Variants in PSD4 observed in about 807,000 individuals in gnomAD.
PSD4 encodes the protein PH and SEC7 domain-containing protein 4.
Under a neutral mutation model 112.5 loss-of-function variants are expected in PSD4, and 59 were observed. The ratio of observed to expected loss-of-function variants is 0.52; its 90% CI spans 0.43 to 0.65. The LOEUF is 0.65. Ranked by LOEUF, PSD4 falls within the 30% of genes least tolerant of loss-of-function variation. The pLI, the probability that PSD4 is intolerant of heterozygous loss-of-function variation, is 0.00. For synonymous variants in PSD4, 533 were observed against 540.0 expected (o/e 0.99, Z 0.18); for missense variants, 1,267 against 1,352.6 (o/e 0.94, Z 0.99).
Position 113,184,997 on chromosome 2 carries a change from T to C in PSD4, c.1097T>C (p.Val366Ala), listed in dbSNP as rs769740746. 12 of 1,614,256 alleles carry C rather than the reference T, an allele frequency of 7.4e-6. No individual in the cohort carries two copies. Among genetic ancestry groups the C allele is most frequent in the Non-Finnish European group, 1.0e-5 (12 of 1,180,044 alleles). ...LGPAPSAAPC[V>A]DEALTWESGC... ...CCTGCTCCATCTGCAGCACCGTGTG[T>C]GGACGAAGCATTGACCTGGGAATCA... The change falls in exon 3 of 17, where the codon GTG becomes GCG. Residue 366 changes from valine to alanine, a missense_variant. Coordinates refer to ENST00000245796, the MANE Select transcript of PSD4 (RefSeq NM_012455.3).
chr2:113,202,080 T>TGTCTCCTTGTGTCTCC lies in PSD4; in HGVS notation c.*666_*681dup, dbSNP rs1164295765. 3 of 152,570 alleles carry TGTCTCCTTGTGTCTCC rather than the reference T, an allele frequency of 2.0e-5. No homozygotes were observed. Among genetic ancestry groups the TGTCTCCTTGTGTCTCC allele is most frequent in the Non-Finnish European group, 2.9e-5 (2 of 68,438 alleles). 9.5% of individuals were successfully genotyped at this position (152,570 alleles called of 1,614,324 possible). A position where few individuals can be genotyped will look rare whatever the true frequency, so the allele number is the denominator to read the frequency against. ...GCACGGCTGTGGGGCCCTGTGCCTT[T>TGTCTCCTTGTGTCTCC]GTCTCCTTGTGTCTCCTTTCCCCCG... On this transcript the variant is annotated 3_prime_UTR_variant, in exon 17 of 17. Coordinates refer to ENST00000245796, the MANE Select transcript of PSD4 (RefSeq NM_012455.3).
chr2:113,185,357 C>G lies in PSD4; in HGVS notation c.1174-8C>G, dbSNP rs910418788. The G allele has an allele frequency of 5.6e-6, 9 of 1,614,166 alleles. No individual in the cohort carries two copies. Among genetic ancestry groups the G allele is most frequent in the Non-Finnish European group, 7.6e-6 (9 of 1,180,022 alleles). On this transcript the variant is annotated splice_region_variant and splice_polypyrimidine_tract_variant and intron_variant, in intron 3 of 16. Coordinates refer to ENST00000245796, the MANE Select transcript of PSD4 (RefSeq NM_012455.3). ...GGCTCATGGGAATGCCTTTGCCTCT[C>G]TCAACAGGCCTCTCTCAGCCCTGAG...
Position 113,193,301 on chromosome 2 carries a change from C to A in PSD4, c.1963C>A (p.Arg655=). 6.3e-7 allele frequency: 1 copy of A among 1,596,494 alleles called. No homozygotes were observed. Residue 655 remains arginine, a synonymous_variant, in exon 8 of 17, where the codon CGG becomes AGG. Coordinates refer to ENST00000245796, the MANE Select transcript of PSD4 (RefSeq NM_012455.3). ...ALVLSGETQE[R]ERILYQFSRR... The stretch of plus-strand genomic sequence containing the variant: ...GGTGCTCAGTGGGGAGACTCAGGAA[C>A]GGGAGCGAATCCTCTACCAGTTCTC...
At position 113,202,869 on chromosome 2, in the gene PSD4, C is replaced by T. The variant is rs892073913; in HGVS notation, c.*1454C>T. 6.6e-6 allele frequency: 1 copy of T among 152,352 alleles called. No homozygotes were observed. The highest frequency in any genetic ancestry group is 2.4e-5 in the African/African-American group (1 of 41,454). The allele number at this position is 152,352 out of a possible 1,614,324, so 9.4% of individuals were successfully genotyped here. On this transcript the variant is annotated 3_prime_UTR_variant, in exon 17 of 17. Transcript: ENST00000245796. ...TTGGGTCTCCGGCCAGGGCCTAGGGCTAGGCCATGCACCCAATGGGTGCAC... is the reference window on the plus strand; with the variant it reads ...TTGGGTCTCCGGCCAGGGCCTAGGGTTAGGCCATGCACCCAATGGGTGCAC...
At chr2:113,176,010 C>G (rs1163613687) in intron 1 of PSD4, among the ~76,000 whole-genome samples, 1 of 152,158 alleles carries the variant, frequency 6.6e-6, no homozygotes, top group East Asian at 1.9e-4. Context: ...CATGGCTTGT[C>G]AGCTGTAGAG....
In PSD4 at chr2:113,183,039, C is replaced by G; in HGVS notation, c.583C>G (p.Leu195Val). The change falls in exon 2 of 17, where the codon CTC becomes GTC. Residue 195 changes from leucine (L) to valine (V), a missense_variant. By Grantham distance (32) the Leu-to-Val change is conservative. Around this residue, in one of 2 missense-constraint regions of PSD4, gnomAD observed 723 missense variants for 704.0 expected, o/e 1.03. Transcript: ENST00000245796. ...CTGTCTCCCCACGCCCCCTGTGGAC[C>G]TCCCCGGGGACACGGGCCTGCACTC... ...KCCLPTPPVDLPGDTGLHSSP... is the reference protein window; with the variant it reads ...KCCLPTPPVDVPGDTGLHSSP... The G allele has an allele frequency of 6.2e-7, 1 of 1,613,700 alleles. No homozygotes were observed.
chr2:113,203,443 A>T lies in PSD4; in HGVS notation c.*2028A>T, dbSNP rs1023647583. 3 of 151,392 alleles carry T rather than the reference A, an allele frequency of 2.0e-5. No individual in the cohort carries two copies. Among genetic ancestry groups the T allele is most frequent in the African/African-American group, 7.3e-5 (3 of 41,108 alleles). The allele number at this position is 151,392 out of a possible 1,614,324, so 9.4% of individuals were successfully genotyped here. ...AGCTGCAGTAGAGTCCAATTGCCTC[A>T]TTTGATTGAAGTGGAATCCCAGCAT... On this transcript the variant is annotated 3_prime_UTR_variant, in exon 17 of 17. Coordinates refer to ENST00000245796, the MANE Select transcript of PSD4 (RefSeq NM_012455.3).
chr2:113,176,880 C>A (rs1333013249), intron 1 of PSD4, among the ~76,000 whole-genome samples: 1 of 152,222 alleles, frequency 6.6e-6, no homozygotes, highest in Non-Finnish European at 1.5e-5. Context: ...CTTCTGAGAT[C>A]AGACCGCCCT....
At chr2:113,179,394 TA>T (rs1392163928) in intron 1 of PSD4, among the ~76,000 whole-genome samples, 1 of 152,046 alleles carries the variant, frequency 6.6e-6, no homozygotes, top group African/African-American at 2.4e-5. Flanking sequence ...GCTGGATCCA[TA>T]GGAGAAGAAT....
rs1573379499 is a variant in PSD4 at position 113,199,313 on chromosome 2, C to T, written c.2913+87C>T. ...CCTCGGTCCCTGCAGCCGTCACTGC[C>T]CTGACCGCGCCGGGGCGGGGAGAGG... On this transcript the variant is annotated intron_variant, in intron 16 of 16. Coordinates refer to ENST00000245796, the MANE Select transcript of PSD4 (RefSeq NM_012455.3). 1.0e-5 allele frequency: 13 copies of T among 1,293,380 alleles called. 1 individual carries two copies. The highest frequency in any genetic ancestry group is 9.3e-5 in the African/African-American group (6 of 64,400). 80.1% of individuals were successfully genotyped at this position (1,293,380 alleles called of 1,614,324 possible).
chr2:113,180,845 C>A (rs765452127), intron 1 of PSD4, among the ~76,000 whole-genome samples: 12 of 152,102 alleles, frequency 7.9e-5, no homozygotes, highest in Non-Finnish European at 1.2e-4. Context: ...CCAAAATATT[C>A]TAATATAGCT....
intron 1 of PSD4, among the ~76,000 whole-genome samples, chr2:113,176,092 G>C (rs1687965911): frequency 6.6e-6 from 1 of 152,190 alleles, no homozygotes; most frequent in Non-Finnish European, 1.5e-5. Flanking sequence ...TCAGTGCAGG[G>C]CACCCAAGGC....
chr2:113,192,709 C>G (rs1688483646), intron 6 of PSD4, 120 bp downstream of exon 6: 13 of 1,045,408 alleles, frequency 1.2e-5, no homozygotes, highest in Non-Finnish European at 1.7e-5. Context: ...CTTCCCATCT[C>G]CCCTCCTAAC....
chr2:113,174,662 G>T (rs1329871104), intron 1 of PSD4, among the ~76,000 whole-genome samples: 1 of 152,124 alleles, frequency 6.6e-6, no homozygotes, highest in African/African-American at 2.4e-5. Context: ...AGAGGTAAGG[G>T]GACCCTCCTT....
chr2:113,196,116 A>G (rs368462946), intron 11 of PSD4, 31 bp from the exon 12 acceptor site: 25 of 1,594,638 alleles, frequency 1.6e-5, no homozygotes, highest in African/African-American at 8.0e-5. Flanking sequence ...TTGCATAGTC[A>G]GCACTTCCAG....
chr2:113,201,292 G>A lies in PSD4; in HGVS notation c.3048G>A (p.Lys1016=). ...GTREPKLSLK[K]SHSSPSLHQD... Reference sequence around the variant, plus strand: ...GGGAGCCCAAGCTCAGCCTGAAGAAGTCCCACTCGAGCCCGTCCCTGCACC... The same window carrying A: ...GGGAGCCCAAGCTCAGCCTGAAGAAATCCCACTCGAGCCCGTCCCTGCACC... The change falls in exon 17 of 17, where the codon AAG becomes AAA. Residue 1016 remains lysine, a synonymous_variant. Transcript: ENST00000245796. 6.2e-7 allele frequency: 1 copy of A among 1,614,160 alleles called. No homozygotes were observed.
rs1393374416 is a variant in PSD4, at chr2:113,192,805, T to C, written c.1838+216T>C. ...CACACCCTTGGTCCTTGGTCCCCAC[T>C]GCCTTGCCAACCAGACTCCACAGGT... On this transcript the variant is annotated intron_variant, in intron 6 of 16. Coordinates refer to ENST00000245796, the MANE Select transcript of PSD4 (RefSeq NM_012455.3). 2.0e-5 allele frequency among the ~76,000 whole-genome samples: 3 copies of C among 152,308 alleles called. No homozygotes were observed. The East Asian group carries it at 5.8e-4, about 29-fold the overall frequency.
rs746500198 is a variant in PSD4 at position 113,193,350 on chromosome 2, C to T, written c.2012C>T (p.Pro671Leu). The T allele has an allele frequency of 6.2e-6, 10 of 1,605,012 alleles. No individual in the cohort carries two copies. The highest frequency in any genetic ancestry group is 4.5e-5 in the East Asian group (2 of 44,828). The change falls in exon 8 of 17, where the codon CCG (proline) becomes CTG (leucine). Residue 671 changes from proline (P) to leucine (L), a missense_variant. Around this residue, in one of 2 missense-constraint regions of PSD4, gnomAD observed 544 missense variants for 648.6 expected, o/e 0.84. Transcript: ENST00000245796. ...TCCAGACGCTTCCACCATTGCAATCCGGGGATCTTCCCCTCAGTAGGTAGG... is the reference window on the plus strand; with the variant it reads ...TCCAGACGCTTCCACCATTGCAATCTGGGGATCTTCCCCTCAGTAGGTAGG... ...QFSRRFHHCN[P>L]GIFPSVDSVH... is the part of the protein sequence containing the mutation.
chr2:113,198,189 A>C, intron 14 of PSD4: 1 of 409,482 alleles, frequency 2.4e-6, no homozygotes, highest in Non-Finnish European at 4.3e-6. Flanking sequence ...TTCAGAACAC[A>C]GGATTCCGGG....
Sources: allele counts gnomAD v4.1 joint callset (sites outside exome capture counted in the v4.1 genomes callset), GRCh38; gene constraint gnomAD v4.1.1; regional missense constraint gnomAD v4.1.1; transcripts MANE v1.5; gene names NCBI Gene and HGNC (gene_info 2026-07-23, HGNC 2026-07-21).